GPANK1: variants seen among roughly 807,000 people sequenced by gnomAD.
The protein encoded by GPANK1 is G patch domain and ankyrin repeat-containing protein 1.
Under a neutral mutation model 24.0 loss-of-function variants are expected in GPANK1, and 22 were observed. That is an observed-to-expected ratio of 0.92 (90% CI 0.66 to 1.31). The LOEUF is 1.31. Ranked by LOEUF, GPANK1 falls within the 50% of genes most tolerant of loss-of-function variation. The probability of loss-of-function intolerance (pLI) is 0.00; values close to 1 mark genes in which losing one functional copy is unlikely to be tolerated. For synonymous variants in GPANK1, 174 were observed against 177.4 expected (o/e 0.98, Z 0.15); for missense variants, 469 against 453.5 (o/e 1.03, Z -0.31).
chr6:31,663,468 G>A (rs1268263503), intron 2 of GPANK1: 1 of 203,506 alleles, frequency 4.9e-6, no homozygotes, highest in Non-Finnish European at 9.7e-6. Context: ...ATGGTAACCA[G>A]ACCTAGCAAA....
At position 31,663,929 on chromosome 6, in the gene GPANK1, C is replaced by T; in HGVS notation, c.550G>A (p.Ala184Thr). The change falls in exon 2 of 3, where the codon GCT (alanine) becomes ACT (threonine). Residue 184 changes from alanine (A) to threonine (T), a missense_variant. Transcript: ENST00000375896. ...ACCTCAGGGAAGCCAGCTTCTTCAG[C>T]GAGCTGAGCCGCATCCCTGCCACTC... ...ELSGRDAAQL[A>T]EEAGFPEVAR... is the part of the protein sequence containing the mutation. 6.2e-7 allele frequency: 1 copy of T among 1,612,622 alleles called. No homozygotes were observed. Among genetic ancestry groups the T allele is most frequent in the Non-Finnish European group, 8.5e-7 (1 of 1,179,260 alleles).
intron 2 of GPANK1, 22 bp downstream of exon 2, chr6:31,663,831 C>T (rs1801230413): frequency 6.5e-7 from 1 of 1,535,236 alleles, no homozygotes; most frequent in African/African-American, 1.4e-5. Flanking sequence ...AGACATGGGT[C>T]TGAGCTAAAG....
intron 2 of GPANK1, chr6:31,663,459 T>C (rs1801173933): frequency 5.2e-6 from 1 of 192,406 alleles, no homozygotes; most frequent in African/African-American, 2.3e-5. Context: ...AAGAAAAAAA[T>C]GGTAACCAGA....
At chr6:31,663,655 T>A (rs530343664) in intron 2 of GPANK1, among the ~76,000 whole-genome samples, 198 bp downstream of exon 2, 1 of 152,154 alleles carries the variant, frequency 6.6e-6, no homozygotes, top group Non-Finnish European at 1.5e-5. Flanking sequence ...AGACATTAGG[T>A]TGTTTGCCCA....
chr6:31,665,562 G>A, upstream of GPANK1: 4 of 1,444,100 alleles, frequency 2.8e-6, no homozygotes, highest in South Asian at 3.7e-5. Context: ...TACGCACGGA[G>A]CCAAGCCGCA....
At position 31,662,448 on chromosome 6, in the gene GPANK1, C is replaced by A; in HGVS notation, c.889G>T (p.Gly297Cys). The A allele has an allele frequency of 6.2e-7, 1 of 1,611,950 alleles. No homozygotes were observed. Among genetic ancestry groups the A allele is most frequent in the East Asian group, 2.2e-5 (1 of 44,866 alleles). The change falls in exon 3 of 3, where the codon GGC (glycine) becomes TGC (cysteine). Residue 297 changes from glycine to cysteine, a missense_variant. Gly to Cys is a radical substitution (Grantham distance 159). Coordinates refer to ENST00000375896, the MANE Select transcript of GPANK1 (RefSeq NM_033177.4). This position sits in a 1 kb window ranked among gnomAD's most constrained non-coding sequence, Gnocchi z 5.5. ...CGGGGCTGGGGTGCTGATCTGTAGC[C>A]TAGTCCTTCCTGGTCCCTCTTGAGG... Reference protein sequence around the residue: ...TVLKRDQEGLGYRSAPQPRVT... With the variant: ...TVLKRDQEGLCYRSAPQPRVT...
chr6:31,666,023 T>C (rs982017903), upstream of GPANK1: 5 of 997,652 alleles, frequency 5.0e-6, no homozygotes, highest in Admixed American at 5.5e-5. Flanking sequence ...TGTCCCGGCA[T>C]CCACCGCGGC....
chr6:31,665,879 G>A, upstream of GPANK1: 1 of 1,109,494 alleles, frequency 9.0e-7, no homozygotes. Flanking sequence ...CGCTTCCGGT[G>A]GCTTCTCGTT....
chr6:31,665,316 T>C, upstream of GPANK1: 1 of 857,110 alleles, frequency 1.2e-6, no homozygotes, highest in East Asian at 2.7e-5. Context: ...CTCTGTGGGT[T>C]AGGAAAGGCC....
upstream of GPANK1, chr6:31,666,220 G>A: frequency 1.0e-6 from 1 of 989,996 alleles, no homozygotes; most frequent in Non-Finnish European, 1.2e-6. Context: ...TGAGTCTGAA[G>A]TCGTCGCTGC....
chr6:31,665,239 C>T (rs895266931), upstream of GPANK1: 4 of 593,422 alleles, frequency 6.7e-6, no homozygotes, highest in African/African-American at 7.4e-5. Context: ...ATAACGCCCC[C>T]ACAATGCCCT....
chr6:31,663,208 AGT>A (rs1339481563), intron 2 of GPANK1: 2 of 125,902 alleles, frequency 1.6e-5, no homozygotes, highest in Admixed American at 9.7e-5. Context: ...GAGTGAGATG[AGT>A]GAGACTTTGT....
chr6:31,663,782 C>T, intron 2 of GPANK1, 71 bp downstream of exon 2: 3 of 1,517,494 alleles, frequency 2.0e-6, no homozygotes, highest in Admixed American at 2.3e-5. Context: ...TGTGCTGGGG[C>T]GTCTGGTGTG....
intron 2 of GPANK1, chr6:31,663,525 A>G (rs978663164): frequency 6.3e-6 from 2 of 319,168 alleles, no homozygotes; most frequent in African/African-American, 4.3e-5. Context: ...TATAGCTAAC[A>G]TTCATGTATT....
At position 31,662,322 on chromosome 6, in the gene GPANK1, C is replaced by T; in HGVS notation, c.1015G>A (p.Glu339Lys). ...LSWREERRRE[E>K]KDRAWERDLR... Reference sequence around the variant, plus strand: ...TCCCGCTCCCAAGCCCTGTCTTTCTCCTCCCTCCTTCTCTCCTCCCTCCAG... The same window carrying T: ...TCCCGCTCCCAAGCCCTGTCTTTCTTCTCCCTCCTTCTCTCCTCCCTCCAG... The change falls in exon 3 of 3, where the codon GAG (glutamate) becomes AAG (lysine). Residue 339 changes from glutamate to lysine, a missense_variant. Transcript: ENST00000375896. The surrounding 1 kb of genome is among the most constrained non-coding windows in gnomAD (Gnocchi z 5.5). 6.3e-7 allele frequency: 1 copy of T among 1,593,758 alleles called. No homozygotes were observed. Among genetic ancestry groups the T allele is most frequent in the Non-Finnish European group, 8.6e-7 (1 of 1,168,188 alleles).
At position 31,664,583 on chromosome 6, in the gene GPANK1, G is replaced by A. The variant is rs1469793094; in HGVS notation, c.-99-6C>T. On this transcript the variant is annotated splice_polypyrimidine_tract_variant and splice_region_variant and intron_variant, in intron 1 of 2. Transcript: ENST00000375896. ...GCAACCACAGCCTCAGAGACCTGCT[G>A]GGATGAGAAAAAGTAGTCAAAAACA... 8.1e-6 allele frequency: 7 copies of A among 862,596 alleles called. No homozygotes were observed. The highest frequency in any genetic ancestry group is 1.7e-5 in the South Asian group (1 of 60,072). The allele number at this position is 862,596 out of a possible 1,614,324, so 53.4% of individuals were successfully genotyped here. A position where few individuals can be genotyped will look rare whatever the true frequency, so the allele number is the denominator to read the frequency against.
upstream of GPANK1, chr6:31,665,755 GA>G: frequency 1.0e-6 from 1 of 957,938 alleles, no homozygotes; most frequent in Non-Finnish European, 1.5e-6. Flanking sequence ...GAGAGCTGCG[GA>G]AAGAGATCCA....
chr6:31,664,123 T>C lies in GPANK1; in HGVS notation c.356A>G (p.Glu119Gly). The C allele has an allele frequency of 6.2e-7, 1 of 1,614,202 alleles. No individual in the cohort carries two copies. Among genetic ancestry groups the C allele is most frequent in the Non-Finnish European group, 8.5e-7 (1 of 1,180,022 alleles). Residue 119 changes from glutamate to glycine, a missense_variant, in exon 2 of 3, where the codon GAA becomes GGA. By Grantham distance (98) the Glu-to-Gly change is moderately conservative. Coordinates refer to ENST00000375896, the MANE Select transcript of GPANK1 (RefSeq NM_033177.4). ...ATGCGGTTCCAGCAGTCTCCTAAGT[T>C]CTGGCAGGTCCCCCTCCTGGGCTGC... ...LRAAQEGDLP[E>G]LRRLLEPHEA...
rs1261374567 is a variant in GPANK1 at position 31,664,400 on chromosome 6, G to A, written c.79C>T (p.Gln27Ter). ...AGGGTGGACTCTGGCTTCTCGGGCT[G>A]TGGCTGCTGCTGCCCATCCTTCCAG... ...DLWKDGQQQP[Q>*]PEKPESTLDG... is the part of the protein sequence containing the mutation. Residue 27 changes from glutamine (Q) to a stop codon, truncating the protein, a stop_gained, in exon 2 of 3, where the codon CAG (glutamine) becomes TAG (stop). Transcript: ENST00000375896. LOFTEE classifies it high-confidence loss of function. The A allele has an allele frequency of 6.2e-7, 1 of 1,614,210 alleles. No individual in the cohort carries two copies. The highest frequency in any genetic ancestry group is 2.2e-5 in the East Asian group (1 of 44,894).
Sources: allele counts gnomAD v4.1 joint callset (sites outside exome capture counted in the v4.1 genomes callset), GRCh38; gene constraint gnomAD v4.1.1; non-coding constraint Gnocchi (gnomAD v3.1); transcripts MANE v1.5; gene names NCBI Gene and HGNC (gene_info 2026-07-23, HGNC 2026-07-21).